The following SUGCT variants were observed in gnomAD, a reference collection of about 807,000 sequenced individuals.
SUGCT encodes succinyl-CoA:glutarate CoA-transferase.
Under a neutral mutation model 55.0 loss-of-function variants are expected in SUGCT, and 41 were observed. The ratio of observed to expected loss-of-function variants is 0.74; its 90% CI spans 0.58 to 0.97. SUGCT has a LOEUF of 0.97. SUGCT is among the 50% of genes least tolerant of loss of function. The probability of loss-of-function intolerance (pLI) is 0.00; values close to 1 mark genes in which losing one functional copy is unlikely to be tolerated. For missense variants in SUGCT, 568 were observed against 547.8 expected, an observed-to-expected ratio of 1.04 and a Z score of -0.37; for synonymous variants, 187 against 200.4, an observed-to-expected ratio of 0.93 and a Z score of 0.56.
At chr7:40,369,752 G>A (rs1319016323) in intron 9 of SUGCT, among the ~76,000 whole-genome samples, 1 of 152,186 alleles carries the variant, frequency 6.6e-6, no homozygotes, top group Non-Finnish European at 1.5e-5. Flanking sequence ...AAGCCACAGA[G>A]AATAAAGTGG....
chr7:40,771,213 C>T (rs1163477286), intron 13 of SUGCT, among the ~76,000 whole-genome samples: 2 of 152,138 alleles, frequency 1.3e-5, no homozygotes, highest in East Asian at 3.9e-4. Flanking sequence ...TTAGATTTCC[C>T]CCCCAACACT....
intron 9 of SUGCT, among the ~76,000 whole-genome samples, chr7:40,443,899 A>G (rs1788659777): frequency 6.6e-6 from 1 of 152,258 alleles, no homozygotes; most frequent in Admixed American, 6.5e-5. Context: ...TAATTTTTGT[A>G]TAAGGTGTAA....
intron 12 of SUGCT, among the ~76,000 whole-genome samples, chr7:40,710,168 G>A (rs559476680): frequency 1.1e-3 from 161 of 152,260 alleles, no homozygotes; most frequent in African/African-American, 3.8e-3. Context: ...TCACTGTACT[G>A]ACTGCATCTA....
chr7:40,689,695 G>C lies in SUGCT; in HGVS notation c.1090-59739G>C, dbSNP rs1055686785. On this transcript the variant is annotated intron_variant, in intron 12 of 13. Coordinates refer to ENST00000335693, the MANE Select transcript of SUGCT (RefSeq NM_001193313.2). ...TCTTATAAACAGACCACGTCTGTTT[G>C]CTCCAACTCAAATTCTTGTAGCAGC... Among the ~76,000 whole-genome samples the C allele has an allele frequency of 2.7e-5, 4 of 149,648 alleles. No individual in the cohort carries two copies. In the Admixed American group the frequency reaches 2.7e-4, roughly 10 times the overall value.
At position 40,722,155 on chromosome 7, in the gene SUGCT, G is replaced by A. The variant is rs1786374704; in HGVS notation, c.1090-27279G>A. On this transcript the variant is annotated intron_variant, in intron 12 of 13. Transcript: ENST00000335693. The stretch of plus-strand genomic sequence containing the variant: ...CCTCCTCTTTTGGAGTTGCCAACAA[G>A]CACATTTTGCTACCAGTCAACTCTC... 2.6e-5 allele frequency among the ~76,000 whole-genome samples: 4 copies of A among 151,834 alleles called. 1 individual carries two copies. The South Asian group carries it at 8.3e-4, about 32-fold the overall frequency.
chr7:40,168,789 C>A (rs1784538334), intron 1 of SUGCT, among the ~76,000 whole-genome samples: 1 of 152,174 alleles, frequency 6.6e-6, no homozygotes, highest in Non-Finnish European at 1.5e-5. Context: ...TGAGATTCCC[C>A]ATTCTATTTC....
intron 9 of SUGCT, among the ~76,000 whole-genome samples, chr7:40,403,474 G>C (rs145118945): frequency 4.0e-4 from 61 of 152,308 alleles, no homozygotes; most frequent in African/African-American, 1.4e-3. Flanking sequence ...TAAGCCTAAA[G>C]GGGCAGGGGA....
At chr7:40,175,217 G>A (rs936688767) in intron 1 of SUGCT, among the ~76,000 whole-genome samples, 2 of 151,016 alleles carry the variant, frequency 1.3e-5, no homozygotes, top group Non-Finnish European at 3.0e-5. Flanking sequence ...ACTGTAGTGC[G>A]TTTAAATTTT....
chr7:40,609,495 A>G (rs921224654), intron 12 of SUGCT, among the ~76,000 whole-genome samples: 3 of 149,572 alleles, frequency 2.0e-5, no homozygotes, highest in African/African-American at 7.4e-5. Flanking sequence ...TGAACCTGGG[A>G]GGTGGAGCTT....
chr7:40,181,561 C>G (rs183921955), intron 2 of SUGCT, among the ~76,000 whole-genome samples: 5,717 of 151,752 alleles, frequency 0.038, 341 homozygotes, highest in African/African-American at 0.13. Context: ...CTGGCTAACA[C>G]GGTGAAACCC....
At chr7:40,773,864 T>A (rs1026418354) in intron 13 of SUGCT, among the ~76,000 whole-genome samples, 1 of 152,156 alleles carries the variant, frequency 6.6e-6, no homozygotes, top group South Asian at 2.1e-4. Context: ...TATTAACCAA[T>A]CAAATTGCTC....
At chr7:40,220,002 C>T (rs1188727388) in intron 6 of SUGCT, among the ~76,000 whole-genome samples, 1 of 151,964 alleles carries the variant, frequency 6.6e-6, no homozygotes, top group Non-Finnish European at 1.5e-5. Context: ...TTTCCCAACT[C>T]GTTTGAAGGC....
chr7:40,942,459 G>A, the SUGCT span, among the ~76,000 whole-genome samples: 1 of 152,128 alleles, frequency 6.6e-6, no homozygotes, highest in East Asian at 1.9e-4. Context: ...TTCCTTTGTA[G>A]GTTACATGAT....
At chr7:40,259,215 G>T (rs1791051876) in intron 7 of SUGCT, among the ~76,000 whole-genome samples, 1 of 152,040 alleles carries the variant, frequency 6.6e-6, no homozygotes, top group African/African-American at 2.4e-5. Flanking sequence ...TTAGCTAGAA[G>T]GAATAAGTTC....
At chr7:40,287,003 A>C (rs1296473524) in intron 8 of SUGCT, among the ~76,000 whole-genome samples, 2 of 152,086 alleles carry the variant, frequency 1.3e-5, no homozygotes, top group Non-Finnish European at 2.9e-5. Context: ...TGGTATTGAG[A>C]AGGTTGACAT....
the SUGCT span, among the ~76,000 whole-genome samples, chr7:40,978,573 G>T: frequency 6.6e-6 from 1 of 152,152 alleles, no homozygotes; most frequent in Non-Finnish European, 1.5e-5. Flanking sequence ...AATGTATGAG[G>T]GCTGAGGAAG....
chr7:40,169,045 T>C (rs1289196859), intron 1 of SUGCT, among the ~76,000 whole-genome samples: 2 of 152,164 alleles, frequency 1.3e-5, no homozygotes, highest in Admixed American at 1.3e-4. Flanking sequence ...ATTTGATAGG[T>C]GTTCCCTCGG....
intron 9 of SUGCT, among the ~76,000 whole-genome samples, chr7:40,392,916 A>G (rs1162948080): frequency 6.6e-6 from 1 of 152,192 alleles, no homozygotes; most frequent in East Asian, 1.9e-4. Context: ...AAGCCTGTAA[A>G]ACTGGGTGGA....
In SUGCT at chr7:40,198,941, C is replaced by T. The variant is rs368019371; in HGVS notation, c.484+3881C>T. ...CCTGGAGGCAGAGGTTGCAGTGAGCCGAAATCATGCCATTGCATTCCAGCC... is the reference window on the plus strand; with the variant it reads ...CCTGGAGGCAGAGGTTGCAGTGAGCTGAAATCATGCCATTGCATTCCAGCC... On this transcript the variant is annotated intron_variant, in intron 6 of 13. Coordinates refer to ENST00000335693, the MANE Select transcript of SUGCT (RefSeq NM_001193313.2). 2.6e-5 allele frequency among the ~76,000 whole-genome samples: 4 copies of T among 151,318 alleles called. No homozygotes were observed. The South Asian group carries it at 6.3e-4, about 24-fold the overall frequency.
Sources: gnomAD v4.1 joint callset for allele counts (sites outside exome capture counted in the v4.1 genomes callset) on GRCh38, gnomAD v4.1.1 for gene constraint, MANE v1.5 for transcripts, NCBI Gene and HGNC (gene_info 2026-07-23, HGNC 2026-07-21) for gene names.